The following MOBP variants were observed in gnomAD, a reference collection of about 807,000 sequenced individuals.
The protein encoded by MOBP is myelin associated oligodendrocyte basic protein, also known as myelin-associated oligodendrocyte basic protein.
In MOBP, 5 loss-of-function variants were observed where a neutral mutation model predicts 15.0. The observed-to-expected ratio is 0.33, with a 90% confidence interval of 0.17 to 0.70. The LOEUF (loss-of-function observed/expected upper bound fraction) is 0.70, where lower values mean the gene tolerates loss of function less well. MOBP is among the 30% of genes least tolerant of loss of function. The pLI, the probability that MOBP is intolerant of heterozygous loss-of-function variation, is 0.67. For missense variants in MOBP, 188 were observed against 257.8 expected (o/e 0.73, Z 1.85); for synonymous variants, 88 against 99.0 (o/e 0.89, Z 0.66).
chr3:39,508,598 G>A (rs1242946783), intron 4 of MOBP, among the ~76,000 whole-genome samples: 1 of 148,508 alleles, frequency 6.7e-6, no homozygotes, highest in Non-Finnish European at 1.5e-5. Context: ...TGCCCAGGCT[G>A]GAGTGCAATG....
chr3:39,512,488 A>G (rs2043132574), intron 4 of MOBP, among the ~76,000 whole-genome samples: 1 of 152,160 alleles, frequency 6.6e-6, no homozygotes, highest in Admixed American at 6.5e-5. Flanking sequence ...TTAATAACAT[A>G]TTTCTGCATT....
rs550307317 is a variant in MOBP, at chr3:39,496,442, G to A, written c.-4-5624G>A. Among the ~76,000 whole-genome samples, 356 of 151,328 alleles carry A rather than the reference G, an allele frequency of 2.4e-3. 3 individuals are homozygous for A. The highest frequency in any genetic ancestry group is 7.4e-3 in the African/African-American group (304 of 41,278). Reference sequence around the variant, plus strand: ...TCTTGATCTCCTAACCTCATGATCCGCCCACCTTGGCCTCCCAAAGTGCTG... The same window carrying A: ...TCTTGATCTCCTAACCTCATGATCCACCCACCTTGGCCTCCCAAAGTGCTG... On this transcript the variant is annotated intron_variant, in intron 2 of 3. Transcript: ENST00000684792.
chr3:39,497,234 T>C (rs535220), intron 2 of MOBP, among the ~76,000 whole-genome samples: 41,961 of 152,162 alleles, frequency 0.28, 6,935 homozygotes, highest in African/African-American at 0.46. Flanking sequence ...CCATCCCAAG[T>C]TTACTATCAG....
chr3:39,475,213 A>G (rs532323952), intron 1 of MOBP, among the ~76,000 whole-genome samples: 2 of 152,258 alleles, frequency 1.3e-5, no homozygotes, highest in South Asian at 2.1e-4. Context: ...TTGAAGTTAT[A>G]TATTATTGAA....
chr3:39,468,812 G>GTA (rs1329294408), intron 1 of MOBP, among the ~76,000 whole-genome samples: 4 of 114,074 alleles, frequency 3.5e-5, no homozygotes, highest in South Asian at 2.6e-4. Flanking sequence ...ACATATGTGT[G>GTA]TGTATACATA....
intron 2 of MOBP, among the ~76,000 whole-genome samples, chr3:39,481,761 A>C: frequency 6.6e-6 from 1 of 152,182 alleles, no homozygotes; most frequent in Middle Eastern, 3.4e-3. Context: ...ATCAACTCTT[A>C]CTAAAGCCAC....
intron 2 of MOBP, among the ~76,000 whole-genome samples, chr3:39,500,875 T>G (rs901871440): frequency 3.0e-4 from 46 of 152,202 alleles, no homozygotes; most frequent in African/African-American, 1.1e-3. Context: ...CTTAATTACA[T>G]AAAACTATTT....
intron 1 of MOBP, among the ~76,000 whole-genome samples, chr3:39,473,026 C>T (rs936007954): frequency 7.9e-5 from 12 of 152,294 alleles, no homozygotes; most frequent in Non-Finnish European, 1.6e-4. Flanking sequence ...AGCTGCTTTC[C>T]ACAACCTGGA....
chr3:39,515,586 A>T (rs976583702), exon 5 of MOBP: 1 of 152,170 alleles, frequency 6.6e-6, no homozygotes, highest in Non-Finnish European at 1.5e-5. Flanking sequence ...GCAAGACTAC[A>T]CTTTCTTGCC....
chr3:39,476,859 A>C (rs2042552156), intron 1 of MOBP, among the ~76,000 whole-genome samples: 1 of 152,088 alleles, frequency 6.6e-6, no homozygotes, highest in South Asian at 2.1e-4. Flanking sequence ...ATCAATAATG[A>C]TAATCTCTGG....
In MOBP at chr3:39,473,519, G is replaced by A. The variant is rs78678992; in HGVS notation, c.-89+5779G>A. Among the ~76,000 whole-genome samples, 884 of 152,336 alleles carry A rather than the reference G, an allele frequency of 5.8e-3. 7 individuals carry two copies. The highest frequency in any genetic ancestry group is 0.018 in the African/African-American group (761 of 41,568). ...GAATAATTTCATGGGGCTCTGAGGC[G>A]TAGGAGCTGTCTGGTATCTGGTCCT... On this transcript the variant is annotated intron_variant, in intron 1 of 3. Coordinates refer to ENST00000684792, the MANE Select transcript of MOBP (RefSeq NM_001393704.1).
At chr3:39,518,168 C>T (rs529405013), downstream of MOBP, among the ~76,000 whole-genome samples, 2 of 152,336 alleles carry the variant, frequency 1.3e-5, no homozygotes, top group East Asian at 3.9e-4. Flanking sequence ...GGCTGGGGAT[C>T]TGTGGGACCC....
intron 1 of MOBP, among the ~76,000 whole-genome samples, chr3:39,474,660 C>A (rs538393191): frequency 6.6e-6 from 1 of 152,138 alleles, no homozygotes; most frequent in Non-Finnish European, 1.5e-5. Context: ...TTGCTTCTCC[C>A]CATCCATTAA....
exon 5 of MOBP, chr3:39,515,603 C>T (rs1173453557): frequency 6.6e-6 from 1 of 152,192 alleles, no homozygotes; most frequent in African/African-American, 2.4e-5. Context: ...TGCCTTCTTT[C>T]TATTTTTTCT....
chr3:39,494,796 C>CCCCCA (rs3036570), intron 2 of MOBP, among the ~76,000 whole-genome samples: 17 of 117,454 alleles, frequency 1.4e-4, no homozygotes, highest in South Asian at 3.2e-4. Flanking sequence ...CCCCCCGCCC[C>CCCCCA]CCGAGTTACG....
In MOBP at chr3:39,502,743, C is replaced by T; in HGVS notation, c.415C>T (p.Pro139Ser). The change falls in exon 4 of 4, where the codon CCC (proline) becomes TCC (serine). Residue 139 changes from proline (P) to serine (S), a missense_variant. Physicochemically the swap from Pro to Ser is moderately conservative, Grantham distance 74 (BLOSUM62 -1). Around this residue, in one of 2 missense-constraint regions of MOBP, gnomAD observed 133 missense variants for 212.5 expected, o/e 0.63. Coordinates refer to ENST00000684792, the MANE Select transcript of MOBP (RefSeq NM_001393704.1). This position sits in a 1 kb window ranked among gnomAD's most constrained non-coding sequence, Gnocchi z 6.3. ...TCCGAGGTCTGAGCGTCAGCCACGT[C>T]CCCGCCCAGAGGTCCGACCACCGCC... ...SPPRSERQPR[P>S]RPEVRPPPAK... The T allele has an allele frequency of 6.5e-7, 1 of 1,534,558 alleles. No individual in the cohort carries two copies. Among genetic ancestry groups the T allele is most frequent in the Non-Finnish European group, 8.7e-7 (1 of 1,145,978 alleles).
At chr3:39,505,343 T>A (rs2043034159), downstream of MOBP, among the ~76,000 whole-genome samples, 1 of 152,206 alleles carries the variant, frequency 6.6e-6, no homozygotes, top group African/African-American at 2.4e-5. Context: ...TATTATTAAA[T>A]TGAGCCCTGC....
At chr3:39,474,817 A>T (rs1250479030) in intron 1 of MOBP, among the ~76,000 whole-genome samples, 1 of 152,190 alleles carries the variant, frequency 6.6e-6, no homozygotes, top group Non-Finnish European at 1.5e-5. Context: ...TCCCCTCAAG[A>T]TCCAGTTTTT....
chr3:39,469,234 G>GTGTGTATATACATATATACATA (rs1559412392), intron 1 of MOBP, among the ~76,000 whole-genome samples: 1 of 48,878 alleles, frequency 2.0e-5, no homozygotes. Context: ...ATATACATAT[G>GTGTGTATATACATATATACATA]TGTGTGTATA....
Sources: gnomAD v4.1 joint callset for allele counts (sites outside exome capture counted in the v4.1 genomes callset) on GRCh38, gnomAD v4.1.1 for gene constraint, gnomAD v4.1.1 regional missense constraint, Gnocchi (gnomAD v3.1) non-coding constraint, MANE v1.5 for transcripts, NCBI Gene and HGNC (gene_info 2026-07-23, HGNC 2026-07-21) for gene names.